ANKRD30B: variants seen among roughly 807,000 people sequenced by gnomAD.
The protein encoded by ANKRD30B is ankyrin repeat domain-containing protein 30B.
In ANKRD30B, 144 loss-of-function variants were observed where a neutral mutation model predicts 202.2. The ratio of observed to expected loss-of-function variants is 0.71; its 90% CI spans 0.62 to 0.82. The LOEUF (loss-of-function observed/expected upper bound fraction) is 0.82. Among genes scored for constraint, ANKRD30B ranks in the 40% least tolerant of loss-of-function variants. The pLI is 0.00. For missense variants in ANKRD30B, 1,487 were observed against 1,669.1 expected, an observed-to-expected ratio of 0.89 and a Z score of 1.90; for synonymous variants, 508 against 561.3, an observed-to-expected ratio of 0.91 and a Z score of 1.34.
chr18:14,928,726 C>T, the ANKRD30B span, among the ~76,000 whole-genome samples: 2 of 152,188 alleles, frequency 1.3e-5, no homozygotes, highest in African/African-American at 4.8e-5. Flanking sequence ...CTGCCTCTCC[C>T]TCCTCTATTG....
intron 8 of ANKRD30B, among the ~76,000 whole-genome samples, chr18:14,770,857 G>A (rs1043232023): frequency 3.3e-5 from 5 of 151,734 alleles, no homozygotes; most frequent in Middle Eastern, 3.2e-3. Flanking sequence ...TCTACAATCC[G>A]ATAGAAATGT....
intron 18 of ANKRD30B, among the ~76,000 whole-genome samples, chr18:14,797,363 C>G (rs1186270927): frequency 6.6e-6 from 1 of 152,178 alleles, no homozygotes; most frequent in Non-Finnish European, 1.5e-5. Flanking sequence ...AAGCACATCA[C>G]GTGCTGTTGG....
At chr18:14,895,048 A>G in the ANKRD30B span, among the ~76,000 whole-genome samples, 2 of 151,910 alleles carry the variant, frequency 1.3e-5, no homozygotes, top group African/African-American at 4.8e-5. Flanking sequence ...ACAGAAAACT[A>G]ACTACTGCAT....
chr18:14,901,764 T>C, the ANKRD30B span, among the ~76,000 whole-genome samples: 4 of 152,188 alleles, frequency 2.6e-5, no homozygotes, highest in Admixed American at 2.6e-4. Flanking sequence ...ATAGGGCAAT[T>C]AGGAGTATAG....
At chr18:14,836,798 A>G (rs1971193720) in intron 34 of ANKRD30B, among the ~76,000 whole-genome samples, 1 of 151,826 alleles carries the variant, frequency 6.6e-6, no homozygotes. Context: ...ATTATTTTGC[A>G]CATGCTATTG....
At chr18:14,908,352 T>C in the ANKRD30B span, among the ~76,000 whole-genome samples, 1 of 152,300 alleles carries the variant, frequency 6.6e-6, no homozygotes, top group African/African-American at 2.4e-5. Flanking sequence ...CCTCCACAAA[T>C]GACAGCTGTG....
chr18:14,824,954 G>A (rs916548547), intron 32 of ANKRD30B, among the ~76,000 whole-genome samples: 6 of 152,188 alleles, frequency 3.9e-5, no homozygotes, highest in African/African-American at 1.4e-4. Flanking sequence ...ATAACCATGG[G>A]TTGTGGAATA....
At chr18:14,763,223 T>G (rs1915537532) in intron 6 of ANKRD30B, among the ~76,000 whole-genome samples, 2 of 152,250 alleles carry the variant, frequency 1.3e-5, no homozygotes, top group Admixed American at 6.5e-5. Flanking sequence ...GTCAGAAATT[T>G]TATATCCAAG....
At chr18:14,873,846 C>T in the ANKRD30B span, among the ~76,000 whole-genome samples, 9 of 152,218 alleles carry the variant, frequency 5.9e-5, no homozygotes, top group South Asian at 4.1e-4. Context: ...TAGAGCCGAG[C>T]GAGGAATGGG....
At chr18:14,895,016 T>G in the ANKRD30B span, among the ~76,000 whole-genome samples, 5 of 152,160 alleles carry the variant, frequency 3.3e-5, no homozygotes, top group East Asian at 9.7e-4. Context: ...GAGGCCATTA[T>G]CCTAAGCAAA....
chr18:14,862,587 T>G, the ANKRD30B span, among the ~76,000 whole-genome samples: 1 of 152,136 alleles, frequency 6.6e-6, no homozygotes, highest in African/African-American at 2.4e-5. Context: ...ACTAGGGCAG[T>G]GCCAACAGGA....
chr18:14,837,794 T>A, intron 36 of ANKRD30B, 118 bp downstream of exon 36: 1 of 1,223,204 alleles, frequency 8.2e-7, no homozygotes, highest in Non-Finnish European at 1.1e-6. Context: ...GGCGGGTGGA[T>A]CACGAGGTCA....
chr18:14,931,168 C>G, the ANKRD30B span, among the ~76,000 whole-genome samples: 6 of 152,124 alleles, frequency 3.9e-5, no homozygotes, highest in Non-Finnish European at 7.4e-5. Context: ...GGGGATGCTA[C>G]GAAGAGTGTG....
the ANKRD30B span, among the ~76,000 whole-genome samples, chr18:14,909,606 C>T: frequency 6.6e-6 from 1 of 152,106 alleles, no homozygotes; most frequent in Non-Finnish European, 1.5e-5. Context: ...TGGAGTTTCA[C>T]CATGTTGGCC....
rs188941396 is a variant in ANKRD30B at position 14,818,087 on chromosome 18, A to G, written c.2641+3376A>G. Among the ~76,000 whole-genome samples the G allele has an allele frequency of 6.4e-4, 98 of 152,278 alleles. No homozygotes were observed. In the East Asian group the frequency reaches 0.017, roughly 27 times the overall value. On this transcript the variant is annotated intron_variant, in intron 30 of 43. Transcript: ENST00000690538. ...AGTAGAGAAAAATGAGAGATTAAGCATGTTTTATTCATATTATTTGATGAA... is the reference window on the plus strand; with the variant it reads ...AGTAGAGAAAAATGAGAGATTAAGCGTGTTTTATTCATATTATTTGATGAA...
intron 14 of ANKRD30B, among the ~76,000 whole-genome samples, chr18:14,786,423 G>A (rs527514803): frequency 3.1e-4 from 47 of 152,240 alleles, no homozygotes; most frequent in South Asian, 1.5e-3. Context: ...GCAGTGTGTC[G>A]TTGTAATTAA....
intron 24 of ANKRD30B, chr18:14,808,339 G>C (rs1006872116): frequency 1.7e-6 from 1 of 585,088 alleles, no homozygotes; most frequent in Admixed American, 2.3e-5. Context: ...TTCATAGCAC[G>C]TTTGATGAAA....
chr18:14,842,596 G>T (rs575273666), intron 37 of ANKRD30B, among the ~76,000 whole-genome samples: 55 of 152,330 alleles, frequency 3.6e-4, no homozygotes, highest in African/African-American at 1.3e-3. Context: ...TCTGATCAAA[G>T]ATCATTTCTC....
chr18:14,805,679 T>G (rs760436290), intron 24 of ANKRD30B, among the ~76,000 whole-genome samples: 1 of 150,982 alleles, frequency 6.6e-6, no homozygotes, highest in East Asian at 1.9e-4. Context: ...TGTAATGATA[T>G]AAATTATTAT....
Sources: gnomAD v4.1 joint callset for allele counts (sites outside exome capture counted in the v4.1 genomes callset) on GRCh38, gnomAD v4.1.1 for gene constraint, MANE v1.5 for transcripts, NCBI Gene and HGNC (gene_info 2026-07-23, HGNC 2026-07-21) for gene names.